Variants in PRPF6 observed in about 807,000 individuals in gnomAD.
PRPF6 encodes the protein pre-mRNA processing factor 6.
Under a neutral mutation model 118.3 loss-of-function variants are expected in PRPF6, and 42 were observed. The ratio of observed to expected loss-of-function variants is 0.35; its 90% CI spans 0.28 to 0.46. The LOEUF (loss-of-function observed/expected upper bound fraction) is 0.46, where lower values mean the gene tolerates loss of function less well. Among genes scored for constraint, PRPF6 ranks in the 20% least tolerant of loss-of-function variants. PRPF6 has a pLI of 1.00. For missense variants in PRPF6, 662 were observed against 1,255.7 expected (o/e 0.53, Z 7.15); for synonymous variants, 481 against 485.1 (o/e 0.99, Z 0.11).
intron 3 of PRPF6, among the ~76,000 whole-genome samples, chr20:63,991,234 G>A (rs896572208): frequency 1.3e-5 from 2 of 152,072 alleles, no homozygotes; most frequent in Middle Eastern, 3.4e-3. Flanking sequence ...GACCAGCCTG[G>A]GCAACATGGT....
chr20:64,000,100 C>T (rs1487756577), intron 8 of PRPF6, among the ~76,000 whole-genome samples: 6 of 152,074 alleles, frequency 3.9e-5, no homozygotes, highest in Admixed American at 3.3e-4. Flanking sequence ...TATAGGCGCC[C>T]GCCACCATGC....
In PRPF6 at chr20:64,001,259, G is replaced by A; in HGVS notation, c.1186+20G>A. On this transcript the variant is annotated intron_variant, in intron 9 of 20. Transcript: ENST00000266079. Reference sequence around the variant, plus strand: ...GGAAAGGTGAGCCTCCCTCGGAGGTGCTGCTTTCTCCCTCCTTGGGGCCCC... The same window carrying A: ...GGAAAGGTGAGCCTCCCTCGGAGGTACTGCTTTCTCCCTCCTTGGGGCCCC... 1.9e-6 allele frequency: 3 copies of A among 1,614,068 alleles called. No individual in the cohort carries two copies. Among genetic ancestry groups the A allele is most frequent in the African/African-American group, 1.3e-5 (1 of 75,078 alleles).
chr20:63,987,504 C>CCCACAGCT (rs1243987100), intron 3 of PRPF6, among the ~76,000 whole-genome samples: 1 of 151,868 alleles, frequency 6.6e-6, no homozygotes, highest in Non-Finnish European at 1.5e-5. Context: ...ATATGGTAGG[C>CCCACAGCT]CCACAGCTCG....
intron 8 of PRPF6, among the ~76,000 whole-genome samples, chr20:64,000,373 C>T (rs1440556238): frequency 1.3e-5 from 2 of 150,664 alleles, no homozygotes; most frequent in Non-Finnish European, 2.9e-5. Flanking sequence ...CCCATAATCC[C>T]AGCTATTCGG....
rs2059294077 is a variant in PRPF6 at position 64,026,977 on chromosome 20, C to T, written c.2029-5C>T. The T allele has an allele frequency of 6.2e-7, 1 of 1,613,790 alleles. No homozygotes were observed. Among genetic ancestry groups the T allele is most frequent in the African/African-American group, 1.3e-5 (1 of 75,018 alleles). ...CCTGCGTGACAGTGCATGTCTGCCCCACAGGTGTTCATGAAGTCTGTGAAG... is the reference window on the plus strand; with the variant it reads ...CCTGCGTGACAGTGCATGTCTGCCCTACAGGTGTTCATGAAGTCTGTGAAG... On this transcript the variant is annotated splice_polypyrimidine_tract_variant and splice_region_variant and intron_variant, in intron 15 of 20. Transcript: ENST00000266079. This position sits in a 1 kb window ranked among gnomAD's most constrained non-coding sequence, Gnocchi z 4.4.
rs1410407618 is a variant in PRPF6, at chr20:64,029,189, G to T, written c.2432-188G>T. On this transcript the variant is annotated intron_variant, in intron 18 of 20. Transcript: ENST00000266079. This position sits in a 1 kb window ranked among gnomAD's most constrained non-coding sequence, Gnocchi z 4.8. Reference sequence around the variant, plus strand: ...AGGGTGTCCAGTCTGTGCCCTCAGGGCTGCCATGGTTTTGGGTGGGCCAGA... The same window carrying T: ...AGGGTGTCCAGTCTGTGCCCTCAGGTCTGCCATGGTTTTGGGTGGGCCAGA... Among the ~76,000 whole-genome samples the T allele has an allele frequency of 1.3e-5, 2 of 152,146 alleles. No homozygotes were observed. Among genetic ancestry groups the T allele is most frequent in the Admixed American group, 6.5e-5 (1 of 15,280 alleles).
At position 63,997,317 on chromosome 20, in the gene PRPF6, GTC is replaced by G. The variant is rs1284180240; in HGVS notation, c.772-1720_772-1719del. ...TTTTTTTTTTTTTTTTTGAGACAGAGTCTCTCTCTGTCACCCAGGCTGGAGTT... is the reference window on the plus strand; with the variant it reads ...TTTTTTTTTTTTTTTTTGAGACAGAGTCTCTCTGTCACCCAGGCTGGAGTT... On this transcript the variant is annotated intron_variant, in intron 6 of 20. Transcript: ENST00000266079. 5.0e-5 allele frequency among the ~76,000 whole-genome samples: 7 copies of G among 140,102 alleles called. No individual in the cohort carries two copies. In the East Asian group the frequency reaches 1.2e-3, roughly 24 times the overall value. 91.9% of individuals were successfully genotyped at this position (140,102 alleles called of 152,430 possible).
In PRPF6 at chr20:64,029,680, G is replaced by T. The variant is rs2059306397; in HGVS notation, c.2546+189G>T. Among the ~76,000 whole-genome samples the T allele has an allele frequency of 6.6e-6, 1 of 152,280 alleles. No homozygotes were observed. The highest frequency in any genetic ancestry group is 1.5e-5 in the Non-Finnish European group (1 of 68,052). ...TCTCCTGGCAGACACACCTGAGGGT[G>T]CCGTGGTCAGAGACTCACTGGGGAC... is the stretch of plus-strand genomic sequence containing the variant. On this transcript the variant is annotated intron_variant, in intron 19 of 20. Coordinates refer to ENST00000266079, the MANE Select transcript of PRPF6 (RefSeq NM_012469.4). The surrounding 1 kb of genome is among the most constrained non-coding windows in gnomAD (Gnocchi z 4.8).
intron 12 of PRPF6, among the ~76,000 whole-genome samples, chr20:64,018,526 A>G (rs1185719400): frequency 6.6e-6 from 1 of 151,942 alleles, no homozygotes; most frequent in Non-Finnish European, 1.5e-5. Context: ...TTTCTTTGTT[A>G]TTATTAATAA....
intron 3 of PRPF6, among the ~76,000 whole-genome samples, chr20:63,992,354 C>G (rs1019643155): frequency 5.9e-5 from 9 of 151,912 alleles, no homozygotes; most frequent in African/African-American, 1.9e-4. Context: ...TTCCACCTCC[C>G]AGGTTCAAGC....
chr20:64,027,127 T>A lies in PRPF6; in HGVS notation c.2174T>A (p.Met725Lys). The A allele has an allele frequency of 6.2e-7, 1 of 1,613,876 alleles. No homozygotes were observed. Among genetic ancestry groups the A allele is most frequent in the Non-Finnish European group, 8.5e-7 (1 of 1,180,004 alleles). ...KGQIEEQKEMMEKAREAYNQG... is the reference protein window; with the variant it reads ...KGQIEEQKEMKEKAREAYNQG... ...CAGATCGAGGAGCAGAAGGAGATGA[T>A]GGAGAAGGCGCGGGAAGCCTATAAC... Residue 725 changes from methionine (M) to lysine (K), a missense_variant, in exon 16 of 21, where the codon ATG becomes AAG. Met to Lys is a moderately conservative substitution (Grantham distance 95). This residue lies in a region of PRPF6 where 244 missense variants were observed against 383.7 expected (regional missense o/e 0.64). Coordinates refer to ENST00000266079, the MANE Select transcript of PRPF6 (RefSeq NM_012469.4). This position sits in a 1 kb window ranked among gnomAD's most constrained non-coding sequence, Gnocchi z 6.5.
chr20:64,014,404 C>G (rs2059228341), intron 11 of PRPF6, among the ~76,000 whole-genome samples: 1 of 152,020 alleles, frequency 6.6e-6, no homozygotes, highest in Non-Finnish European at 1.5e-5. Context: ...CCTATAATCT[C>G]AGCACATTGC....
chr20:63,985,105 T>A, intron 3 of PRPF6, 80 bp downstream of exon 3: 1 of 1,141,942 alleles, frequency 8.8e-7, no homozygotes, highest in Non-Finnish European at 1.3e-6. Flanking sequence ...GGCTCACGTG[T>A]GTAATCCTAG....
At position 64,011,216 on chromosome 20, in the gene PRPF6, C is replaced by T. The variant is rs759107548; in HGVS notation, c.1306-69C>T. ...TGGTGGCCAACGCTGGAGGGTGGGT[C>T]GCTGTCTGGCCTGCAGCTGTCCCCC... On this transcript the variant is annotated intron_variant, in intron 10 of 20. Transcript: ENST00000266079. This position sits in a 1 kb window ranked among gnomAD's most constrained non-coding sequence, Gnocchi z 6.7. 7 of 1,450,592 alleles carry T rather than the reference C, an allele frequency of 4.8e-6. No individual in the cohort carries two copies. The highest frequency in any genetic ancestry group is 6.7e-6 in the Non-Finnish European group (7 of 1,040,852). The allele number at this position is 1,450,592 out of a possible 1,614,324, so 89.9% of individuals were successfully genotyped here.
intron 19 of PRPF6, among the ~76,000 whole-genome samples, chr20:64,030,037 C>T (rs990281516): frequency 2.6e-5 from 4 of 152,248 alleles, no homozygotes; most frequent in Non-Finnish European, 4.4e-5. Flanking sequence ...ACTCTGGAAC[C>T]TTGCAGGCAG....
At chr20:63,993,225 AATGTGTGTGT>A (rs1454818709) in intron 3 of PRPF6, among the ~76,000 whole-genome samples, 172 bp from the exon 4 acceptor site, 1 of 102,902 alleles carries the variant, frequency 9.7e-6, no homozygotes, top group African/African-American at 3.6e-5. Flanking sequence ...CAAAAAAAAA[AATGTGTGTGT>A]GTGTGTGTGT....
chr20:63,981,157 C>T lies in PRPF6; in HGVS notation c.-89C>T, dbSNP rs886056957. On this transcript the variant is annotated 5_prime_UTR_variant, in exon 1 of 21. Transcript: ENST00000266079. ...GACGGCGACACTTTGCTACGGAGTGCATCGGACGTCGAAGCCTAGAGTCTC... is the reference window on the plus strand; with the variant it reads ...GACGGCGACACTTTGCTACGGAGTGTATCGGACGTCGAAGCCTAGAGTCTC... The T allele has an allele frequency of 1.4e-5, 19 of 1,353,616 alleles. No homozygotes were observed. Among genetic ancestry groups the T allele is most frequent in the African/African-American group, 2.9e-5 (2 of 69,016 alleles). The allele number at this position is 1,353,616 out of a possible 1,614,324, so 83.9% of individuals were successfully genotyped here.
chr20:63,983,283 T>C (rs557184812), intron 2 of PRPF6, 68 bp downstream of exon 2: 1 of 1,590,674 alleles, frequency 6.3e-7, no homozygotes, highest in East Asian at 2.2e-5. Flanking sequence ...AACCAGTGTG[T>C]GTTGGTGTCT....
intron 14 of PRPF6, among the ~76,000 whole-genome samples, chr20:64,025,052 G>GT (rs1344884069): frequency 2.0e-5 from 3 of 151,984 alleles, no homozygotes; most frequent in African/African-American, 4.8e-5. Flanking sequence ...GGGGGTGTGT[G>GT]TTTTTTTTAA....
Sources: gnomAD v4.1 joint callset for allele counts (sites outside exome capture counted in the v4.1 genomes callset) on GRCh38, gnomAD v4.1.1 for gene constraint, gnomAD v4.1.1 regional missense constraint, Gnocchi (gnomAD v3.1) non-coding constraint, MANE v1.5 for transcripts, NCBI Gene and HGNC (gene_info 2026-07-23, HGNC 2026-07-21) for gene names.